The following ZSCAN5A variants were observed in gnomAD, a reference collection of about 807,000 sequenced individuals.
ZSCAN5A encodes zinc finger and SCAN domain-containing protein 5A.
Under a neutral mutation model 23.7 loss-of-function variants are expected in ZSCAN5A, and 12 were observed. The ratio of observed to expected loss-of-function variants is 0.51; its 90% CI spans 0.32 to 0.82. The LOEUF (loss-of-function observed/expected upper bound fraction) is 0.82. Among genes scored for constraint, ZSCAN5A ranks in the 40% least tolerant of loss-of-function variants. The probability of loss-of-function intolerance (pLI) is 0.03; values close to 1 mark genes in which losing one functional copy is unlikely to be tolerated. For synonymous variants in ZSCAN5A, 257 were observed against 239.9 expected (o/e 1.07, Z -0.66); for missense variants, 597 against 617.9 (o/e 0.97, Z 0.36).
intron 2 of ZSCAN5A, chr19:56,322,366 C>T (rs1281397393): frequency 1.3e-6 from 1 of 750,454 alleles, no homozygotes; most frequent in Non-Finnish European, 2.4e-6. Context: ...TCCCCTATTC[C>T]ACACCTCTCA....
chr19:56,278,109 T>G (rs568678468), intron 2 of ZSCAN5A, among the ~76,000 whole-genome samples: 1 of 152,184 alleles, frequency 6.6e-6, no homozygotes, highest in South Asian at 2.1e-4. Context: ...CTATTTTTTT[T>G]TTTTTTAGCT....
chr19:56,233,585 G>A (rs1334208413), intron 2 of ZSCAN5A, among the ~76,000 whole-genome samples: 7 of 149,144 alleles, frequency 4.7e-5, no homozygotes, highest in East Asian at 4.0e-4. Flanking sequence ...CACCCACACC[G>A]AATCCTATAC....
chr19:56,337,024 G>T (rs2041544844), intron 2 of ZSCAN5A, among the ~76,000 whole-genome samples: 1 of 152,204 alleles, frequency 6.6e-6, no homozygotes, highest in Admixed American at 6.5e-5. Context: ...AGGCTACTCG[G>T]GGGTCAGGGA....
chr19:56,228,506 CTGAGT>C (rs1295658483), intron 2 of ZSCAN5A: 1 of 942,312 alleles, frequency 1.1e-6, no homozygotes, highest in African/African-American at 1.8e-5. Flanking sequence ...TCCCGCTCTA[CTGAGT>C]TGTCATACTG....
chr19:56,259,940 C>T lies in ZSCAN5A; in HGVS notation c.-127-34767G>A, dbSNP rs148953959. Among the ~76,000 whole-genome samples the T allele has an allele frequency of 1.5e-3, 224 of 152,256 alleles. 1 individual carries two copies. Among genetic ancestry groups the T allele is most frequent in the African/African-American group, 4.9e-3 (205 of 41,548 alleles). On this transcript the variant is annotated intron_variant, in intron 2 of 5. Coordinates refer to ENST00000683990, the MANE Select transcript of ZSCAN5A (RefSeq NM_001322064.3). ...AATGAGCTGTGATCGTGCCCTTGCA[C>T]GCCAGCCTGGGTGACAGAGCGAGAC...
intron 2 of ZSCAN5A, chr19:56,283,437 G>A (rs2038864481): frequency 6.6e-6 from 1 of 152,032 alleles, no homozygotes; most frequent in South Asian, 2.1e-4. Context: ...ATCATCCCAA[G>A]GCCACCCACT....
At chr19:56,296,526 C>T (rs1001783941) in intron 2 of ZSCAN5A, 1 of 152,014 alleles carries the variant, frequency 6.6e-6, no homozygotes, top group Non-Finnish European at 1.5e-5. Context: ...ATTTGTCCAA[C>T]AGATATTAAC....
chr19:56,348,543 C>T (rs577939476), intron 2 of ZSCAN5A, among the ~76,000 whole-genome samples: 2 of 152,274 alleles, frequency 1.3e-5, no homozygotes, highest in East Asian at 1.9e-4. Context: ...CAGGCACAAA[C>T]GCTCAATTAG....
chr19:56,313,760 T>A (rs1389484195), intron 1 of ZSCAN5A, among the ~76,000 whole-genome samples: 3 of 152,222 alleles, frequency 2.0e-5, no homozygotes, highest in Non-Finnish European at 4.4e-5. Flanking sequence ...CATTTAATTA[T>A]CCCTTCCCTT....
At chr19:56,331,683 G>A (rs1457465512) in intron 2 of ZSCAN5A, among the ~76,000 whole-genome samples, 2 of 147,612 alleles carry the variant, frequency 1.4e-5, no homozygotes, top group Non-Finnish European at 3.0e-5. Context: ...TGCCTCCTGG[G>A]TTCAAGCAAT....
At chr19:56,340,618 G>A (rs1461343257) in intron 2 of ZSCAN5A, among the ~76,000 whole-genome samples, 1 of 152,192 alleles carries the variant, frequency 6.6e-6, no homozygotes, top group Non-Finnish European at 1.5e-5. Context: ...AGGTACTTAT[G>A]TGTTTCTGAA....
intron 2 of ZSCAN5A, among the ~76,000 whole-genome samples, chr19:56,277,871 C>T (rs1405029593): frequency 6.6e-6 from 1 of 151,910 alleles, no homozygotes; most frequent in African/African-American, 2.4e-5. Context: ...ATCCATGTCA[C>T]CAAAAACCAC....
chr19:56,252,176 T>C (rs2036389226), intron 2 of ZSCAN5A, among the ~76,000 whole-genome samples: 1 of 151,946 alleles, frequency 6.6e-6, no homozygotes, highest in African/African-American at 2.4e-5. Flanking sequence ...CAAGTGATAA[T>C]GGATTGGAGG....
chr19:56,323,766 C>A (rs953488822), intron 2 of ZSCAN5A, among the ~76,000 whole-genome samples: 2 of 150,748 alleles, frequency 1.3e-5, no homozygotes, highest in African/African-American at 4.9e-5. Context: ...AAACTCCTGA[C>A]CTCAGGTGAT....
At chr19:56,350,319 T>C (rs931101162) in intron 2 of ZSCAN5A, among the ~76,000 whole-genome samples, 2 of 152,168 alleles carry the variant, frequency 1.3e-5, no homozygotes, top group African/African-American at 4.8e-5. Context: ...TACGGAAGGA[T>C]TTTGTATGGT....
chr19:56,298,496 C>CA (rs540467815), intron 2 of ZSCAN5A, among the ~76,000 whole-genome samples: 28 of 151,450 alleles, frequency 1.8e-4, no homozygotes, highest in Middle Eastern at 3.4e-3. Flanking sequence ...ACTAAAAATA[C>CA]AAAAAAATTA....
intron 3 of ZSCAN5A, chr19:56,224,348 G>A (rs2033670404): frequency 7.4e-6 from 3 of 405,450 alleles, no homozygotes; most frequent in African/African-American, 2.0e-5. Context: ...CAGTGTGTGG[G>A]TCCCTGTACC....
intron 2 of ZSCAN5A, among the ~76,000 whole-genome samples, chr19:56,345,279 T>C (rs889824604): frequency 1.1e-4 from 17 of 152,346 alleles, no homozygotes; most frequent in African/African-American, 4.1e-4. Flanking sequence ...TGTACACTTT[T>C]TAAGCCAATT....
Position 56,302,117 on chromosome 19 carries a change from G to C in ZSCAN5A, c.-128+11166C>G, listed in dbSNP as rs891706698. ...CTGGGTAAGAAGAAGGCAGCACGGA[G>C]GGGAGGAGTGTGAGGAGAGGAAGGA... is the stretch of plus-strand genomic sequence containing the variant. On this transcript the variant is annotated intron_variant, in intron 2 of 5. Transcript: ENST00000683990. The C allele has an allele frequency of 7.4e-5, 91 of 1,230,640 alleles. No individual in the cohort carries two copies. In the African/African-American group the frequency reaches 1.4e-3, roughly 19 times the overall value. The allele number at this position is 1,230,640 out of a possible 1,614,324, so 76.2% of individuals were successfully genotyped here. A position where few individuals can be genotyped will look rare whatever the true frequency, so the allele number is the denominator to read the frequency against.
Sources: allele counts gnomAD v4.1 joint callset (sites outside exome capture counted in the v4.1 genomes callset), GRCh38; gene constraint gnomAD v4.1.1; transcripts MANE v1.5; gene names NCBI Gene and HGNC (gene_info 2026-07-23, HGNC 2026-07-21).